Variants in LAMB3 observed in about 807,000 individuals in gnomAD.
The protein encoded by LAMB3 is laminin subunit beta-3.
LAMB3 carries 104 observed loss-of-function variants against 140.3 expected under a neutral mutation model. The observed-to-expected ratio is 0.74, with a 90% CI of 0.63 to 0.87. LAMB3 has a LOEUF of 0.87. Among genes scored for constraint, LAMB3 ranks in the 40% least tolerant of loss-of-function variants. The pLI is 0.00. For missense variants in LAMB3, 1,531 were observed against 1,575.2 expected (o/e 0.97, Z 0.47); for synonymous variants, 592 against 602.9 (o/e 0.98, Z 0.26).
rs58281786 is a variant in LAMB3, at chr1:209,650,829, C to T, written c.28+88G>A. 4.1e-3 allele frequency: 5,188 copies of T among 1,266,806 alleles called. 133 individuals are homozygous for T. The African/African-American group carries it at 0.06, about 15-fold the overall frequency. The allele number at this position is 1,266,806 out of a possible 1,614,324, so 78.5% of individuals were successfully genotyped here. Reference sequence around the variant, plus strand: ...AAGGGACTACAGGTGACAGGTGATGCCCACACTTTGGTAAACTCTCCTTCT... The same window carrying T: ...AAGGGACTACAGGTGACAGGTGATGTCCACACTTTGGTAAACTCTCCTTCT... On this transcript the variant is annotated intron_variant, in intron 2 of 22. Transcript: ENST00000356082.
rs1403788556 is a variant in LAMB3, at chr1:209,617,498, C to T, written c.3140G>A (p.Arg1047His). The change falls in exon 21 of 23, where the codon CGC (arginine) becomes CAC (histidine). Residue 1047 changes from arginine (R) to histidine (H), a missense_variant. Transcript: ENST00000356082. Reference protein sequence around the residue: ...GDFWTRMEELRHQARQQGAEA... With the variant: ...GDFWTRMEELHHQARQQGAEA... ...TGCCCCCTGCTGCCGGGCTTGGTGG[C>T]GGAGCTCCTCCATCCGTGTCCAGAA... The T allele has an allele frequency of 3.1e-6, 5 of 1,613,946 alleles. No individual in the cohort carries two copies. Among genetic ancestry groups the T allele is most frequent in the Admixed American group, 1.7e-5 (1 of 60,030 alleles).
chr1:209,645,377 G>A (rs1167713285), intron 3 of LAMB3, among the ~76,000 whole-genome samples: 1 of 152,106 alleles, frequency 6.6e-6, no homozygotes, highest in African/African-American at 2.4e-5. Flanking sequence ...CCAAGGTAGA[G>A]CTCTGGAAGC....
In LAMB3 at chr1:209,623,226, T is replaced by C. The variant is rs1283226919; in HGVS notation, c.2359-47A>G. 6.3e-7 allele frequency: 1 copy of C among 1,590,126 alleles called. No homozygotes were observed. The highest frequency in any genetic ancestry group is 1.3e-5 in the African/African-American group (1 of 74,302). On this transcript the variant is annotated intron_variant, in intron 16 of 22. Transcript: ENST00000356082. The surrounding 1 kb of genome is among the most constrained non-coding windows in gnomAD (Gnocchi z 4.2). ...AAAGAGGCTACCCAAAGCCCCTCAA[T>C]AACCAATCCCACCCCACACCTGGGA...
chr1:209,631,477 C>T (rs1666689840), intron 8 of LAMB3, among the ~76,000 whole-genome samples: 2 of 152,222 alleles, frequency 1.3e-5, no homozygotes, highest in South Asian at 4.1e-4. Context: ...CATAAGGCCT[C>T]CCTGGTGCCT....
chr1:209,632,556 TCTCCCCTTCCCA>T lies in LAMB3; in HGVS notation c.822+15_822+26del. ...GTCTGCCCTGGTCCTGCCCCCTTCC[TCTCCCCTTCCCA>T]CCCTAGGCTGTTACCTGCACAGCGG... On this transcript the variant is annotated intron_variant, in intron 8 of 22. Transcript: ENST00000356082. The T allele has an allele frequency of 6.2e-7, 1 of 1,604,648 alleles. No individual in the cohort carries two copies. Among genetic ancestry groups the T allele is most frequent in the Non-Finnish European group, 8.5e-7 (1 of 1,172,008 alleles).
intron 3 of LAMB3, among the ~76,000 whole-genome samples, chr1:209,639,421 C>T (rs1386062923): frequency 1.3e-5 from 2 of 152,216 alleles, no homozygotes; most frequent in South Asian, 2.1e-4. Flanking sequence ...TTCGGTATTC[C>T]CTACCTACAG....
At chr1:209,649,603 C>G (rs1432723546) in intron 3 of LAMB3, among the ~76,000 whole-genome samples, 1 of 152,168 alleles carries the variant, frequency 6.6e-6, no homozygotes, top group Non-Finnish European at 1.5e-5. Context: ...ATCCCAGCAC[C>G]AAATAACACA....
intron 10 of LAMB3, 24 bp from the exon 11 acceptor site, chr1:209,628,214 C>T: frequency 6.4e-7 from 1 of 1,551,586 alleles, no homozygotes; most frequent in Admixed American, 2.0e-5. Flanking sequence ...GCAGCCACCG[C>T]AGTAGGAACA....
At chr1:209,641,101 T>TTA (rs2076465589) in intron 3 of LAMB3, among the ~76,000 whole-genome samples, 1 of 130,892 alleles carries the variant, frequency 7.6e-6, no homozygotes, top group African/African-American at 2.9e-5. Flanking sequence ...AAAAAAAATT[T>TTA]AAAAAAAAAA....
At chr1:209,644,329 C>T (rs777710302) in intron 3 of LAMB3, among the ~76,000 whole-genome samples, 39 of 152,190 alleles carry the variant, frequency 2.6e-4, no homozygotes, top group Non-Finnish European at 4.9e-4. Context: ...AGAAATCACT[C>T]TCTGAAGCTG....
At position 209,634,355 on chromosome 1, in the gene LAMB3, C is replaced by A. The variant is rs1666811978; in HGVS notation, c.564+92G>T. The stretch of plus-strand genomic sequence containing the variant: ...GCAAGGGGAGCTGGCGAGGGTGTTT[C>A]CGTCCCTTCTCAGGAGTCCGTGTGG... On this transcript the variant is annotated intron_variant, in intron 6 of 22. Coordinates refer to ENST00000356082, the MANE Select transcript of LAMB3 (RefSeq NM_000228.3). 2.2e-6 allele frequency: 3 copies of A among 1,348,190 alleles called. No individual in the cohort carries two copies. In the South Asian group the frequency reaches 3.6e-5, roughly 16 times the overall value. 83.5% of individuals were successfully genotyped at this position (1,348,190 alleles called of 1,614,324 possible).
chr1:209,636,708 G>T (rs1666905414), intron 5 of LAMB3, among the ~76,000 whole-genome samples: 2 of 152,046 alleles, frequency 1.3e-5, no homozygotes, highest in African/African-American at 4.8e-5. Context: ...TGTGCTTATG[G>T]TTCTGTTTTC....
chr1:209,618,605 A>G lies in LAMB3; in HGVS notation c.2756T>C (p.Leu919Pro). ...IQEVSEAVLA[L>P]WLPTDSATVL... is the part of the protein sequence containing the mutation. ...AGTAGCTGAGTCTGTGGGCAGCCAC[A>G]GGGCCAGCACGGCCTCGCTGACCTC... is the stretch of plus-strand genomic sequence containing the variant. The change falls in exon 19 of 23, where the codon CTG becomes CCG. Residue 919 changes from leucine (L) to proline (P), a missense_variant. Transcript: ENST00000356082. 6.2e-7 allele frequency: 1 copy of G among 1,614,244 alleles called. No homozygotes were observed. Among genetic ancestry groups the G allele is most frequent in the Non-Finnish European group, 8.5e-7 (1 of 1,180,032 alleles).
intron 13 of LAMB3, among the ~76,000 whole-genome samples, 175 bp from the exon 14 acceptor site, chr1:209,626,201 C>G (rs1054701860): frequency 4.6e-5 from 7 of 152,354 alleles, no homozygotes; most frequent in African/African-American, 1.7e-4. Flanking sequence ...CAAACGCTTA[C>G]TTAGCACCTA....
intron 5 of LAMB3, 93 bp from the exon 6 acceptor site, chr1:209,634,731 G>A: frequency 9.5e-7 from 1 of 1,057,896 alleles, no homozygotes; most frequent in Non-Finnish European, 1.4e-6. Context: ...AGTGAACTCG[G>A]GAGAAAGGGG....
rs1421385586 is a variant in LAMB3 at position 209,622,624 on chromosome 1, C to G, written c.2613G>C (p.Glu871Asp). The change falls in exon 18 of 23, where the codon GAG (glutamate) becomes GAC (aspartate). Residue 871 changes from glutamate to aspartate, a missense_variant. By Grantham distance (45) the Glu-to-Asp change is conservative. Transcript: ENST00000356082. ...GGGAGCGGCTGGCGCTCACCTGGGT[C>G]TCCAAGCGCTGGGCACTGGATTGAA... The part of the protein sequence containing the change: ...SQIQSSAQRL[E>D]TQVSASRSQM... The G allele has an allele frequency of 6.2e-7, 1 of 1,614,052 alleles. No homozygotes were observed. Among genetic ancestry groups the G allele is most frequent in the African/African-American group, 1.3e-5 (1 of 74,918 alleles).
At position 209,615,102 on chromosome 1, in the gene LAMB3, C is replaced by T; in HGVS notation, c.*169G>A. The T allele has an allele frequency of 1.4e-6, 1 of 734,362 alleles. No individual in the cohort carries two copies. The highest frequency in any genetic ancestry group is 2.7e-5 in the East Asian group (1 of 36,678). 45.5% of individuals were successfully genotyped at this position (734,362 alleles called of 1,614,324 possible). A position where few individuals can be genotyped will look rare whatever the true frequency, so the allele number is the denominator to read the frequency against. ...AGTGTAACTGTCCCATTGGCTCAGG[C>T]TCAGCTGCAGCTCAGGGTAATCTTA... is the stretch of plus-strand genomic sequence containing the variant. On this transcript the variant is annotated 3_prime_UTR_variant, in exon 23 of 23. Coordinates refer to ENST00000356082, the MANE Select transcript of LAMB3 (RefSeq NM_000228.3).
At chr1:209,626,087 GGAGA>G in intron 13 of LAMB3, 61 bp from the exon 14 acceptor site, 2 of 1,573,948 alleles carry the variant, frequency 1.3e-6, no homozygotes, top group Non-Finnish European at 1.7e-6. Flanking sequence ...CAGCTGTCAG[GGAGA>G]GCCCTGAAGA....
In LAMB3 at chr1:209,651,092, G is replaced by C; in HGVS notation, c.-37-111C>G. 5 of 774,422 alleles carry C rather than the reference G, an allele frequency of 6.5e-6. No individual in the cohort carries two copies. The Admixed American group carries it at 9.6e-5, about 15-fold the overall frequency. The allele number at this position is 774,422 out of a possible 1,614,324, so 48.0% of individuals were successfully genotyped here. A position where few individuals can be genotyped will look rare whatever the true frequency, so the allele number is the denominator to read the frequency against. On this transcript the variant is annotated intron_variant, in intron 1 of 22. Coordinates refer to ENST00000356082, the MANE Select transcript of LAMB3 (RefSeq NM_000228.3). ...GTATTTTTCAGAAGTCTTTACCTAG[G>C]GTCCTGATCTAGGACACTTGGAGCA... is the stretch of plus-strand genomic sequence containing the variant.
Sources: gnomAD v4.1 joint callset for allele counts (sites outside exome capture counted in the v4.1 genomes callset) on GRCh38, gnomAD v4.1.1 for gene constraint, Gnocchi (gnomAD v3.1) non-coding constraint, MANE v1.5 for transcripts, NCBI Gene and HGNC (gene_info 2026-07-23, HGNC 2026-07-21) for gene names.